The following UST variants were observed in gnomAD, a reference collection of about 807,000 sequenced individuals.
UST encodes chondroitin sulfate 2-O-sulfotransferase.
A neutral mutation model predicts 45.6 loss-of-function variants in UST; 21 were observed. That is an observed-to-expected ratio of 0.46 (90% CI 0.33 to 0.66). The LOEUF (loss-of-function observed/expected upper bound fraction) is 0.66, where lower values mean the gene tolerates loss of function less well. Among genes scored for constraint, UST ranks in the 30% least tolerant of loss-of-function variants. UST has a pLI of 0.02. For missense variants in UST, 463 were observed against 512.4 expected, an observed-to-expected ratio of 0.90 and a Z score of 0.93; for synonymous variants, 215 against 200.6, an observed-to-expected ratio of 1.07 and a Z score of -0.61.
intron 5 of UST, among the ~76,000 whole-genome samples, chr6:148,981,780 G>A (rs993724877): frequency 6.6e-6 from 1 of 152,196 alleles, no homozygotes; most frequent in Non-Finnish European, 1.5e-5. Flanking sequence ...TGTATTTCCT[G>A]TGCAAGCATC....
intron 1 of UST, among the ~76,000 whole-genome samples, chr6:148,824,409 G>T (rs1777528518): frequency 6.6e-6 from 1 of 152,228 alleles, no homozygotes. Context: ...CCAATGTACA[G>T]TACTTGGTCA....
chr6:149,046,954 A>C (rs1207055846), intron 7 of UST, among the ~76,000 whole-genome samples: 2 of 152,136 alleles, frequency 1.3e-5, no homozygotes, highest in African/African-American at 4.8e-5. Context: ...TACTGATCTG[A>C]GTGGACTTGA....
chr6:149,024,015 G>C (rs180712690), intron 7 of UST, among the ~76,000 whole-genome samples: 1 of 152,310 alleles, frequency 6.6e-6, no homozygotes, highest in Admixed American at 6.5e-5. Context: ...GTTTGGCATA[G>C]TAAATATCTC....
At chr6:148,910,629 T>C (rs551200286) in intron 2 of UST, among the ~76,000 whole-genome samples, 2 of 152,314 alleles carry the variant, frequency 1.3e-5, no homozygotes, top group African/African-American at 4.8e-5. Context: ...TCCTGCTGTC[T>C]CATCAATCAG....
At chr6:148,997,823 A>T (rs1781481024) in intron 5 of UST, among the ~76,000 whole-genome samples, 1 of 152,238 alleles carries the variant, frequency 6.6e-6, no homozygotes, top group Non-Finnish European at 1.5e-5. Context: ...TTCCCTGTTA[A>T]TTTAAAATAA....
At chr6:149,071,026 A>T in intron 7 of UST, among the ~76,000 whole-genome samples, 1 of 152,190 alleles carries the variant, frequency 6.6e-6, no homozygotes, top group Admixed American at 6.5e-5. Context: ...TCGTCCTCCC[A>T]AAGTGCTGGG....
Position 148,953,854 on chromosome 6 carries a change from T to G in UST, c.448-18T>G. ...TAAATTAGATCCTATATATGCTAAT[T>G]TTTACTTTTTTTAATAGATGGAACT... On this transcript the variant is annotated intron_variant, in intron 3 of 7. Transcript: ENST00000367463. The G allele has an allele frequency of 6.5e-7, 1 of 1,531,026 alleles. No individual in the cohort carries two copies. Among genetic ancestry groups the G allele is most frequent in the East Asian group, 2.3e-5 (1 of 42,642 alleles). The allele number at this position is 1,531,026 out of a possible 1,614,324, so 94.8% of individuals were successfully genotyped here. A position where few individuals can be genotyped will look rare whatever the true frequency, so the allele number is the denominator to read the frequency against.
rs57552256 is a variant in UST, at chr6:148,993,956, C to CTTTTTTTT, written c.682-25162_682-25155dup. 5.8e-4 allele frequency among the ~76,000 whole-genome samples: 55 copies of CTTTTTTTT among 95,362 alleles called. 4 individuals carry two copies. Among genetic ancestry groups the CTTTTTTTT allele is most frequent in the African/African-American group, 2.2e-3 (49 of 21,860 alleles). 62.6% of individuals were successfully genotyped at this position (95,362 alleles called of 152,430 possible). A position where few individuals can be genotyped will look rare whatever the true frequency, so the allele number is the denominator to read the frequency against. Reference sequence around the variant, plus strand: ...TTACCCAGTCTTGAATATTTCTTTCCTTTTTTTTTTTTTTTTTTTTTTTTT... The same window carrying CTTTTTTTT: ...TTACCCAGTCTTGAATATTTCTTTCCTTTTTTTTTTTTTTTTTTTTTTTTTTTTTTTTT... On this transcript the variant is annotated intron_variant, in intron 5 of 7. Transcript: ENST00000367463.
At chr6:148,911,615 G>C (rs914080291) in intron 2 of UST, among the ~76,000 whole-genome samples, 2 of 151,686 alleles carry the variant, frequency 1.3e-5, no homozygotes, top group Non-Finnish European at 2.9e-5. Flanking sequence ...TTTGGCGTTG[G>C]AAAATTTTGG....
At chr6:148,896,297 T>C (rs982476035) in intron 2 of UST, among the ~76,000 whole-genome samples, 1 of 152,258 alleles carries the variant, frequency 6.6e-6, no homozygotes, top group East Asian at 1.9e-4. Context: ...TTTTTCAGGA[T>C]ATAGACATGC....
chr6:149,010,905 A>AC (rs1775797219), intron 5 of UST, among the ~76,000 whole-genome samples: 2 of 147,934 alleles, frequency 1.4e-5, no homozygotes, highest in Non-Finnish European at 3.0e-5. Flanking sequence ...CAAAAAAAAA[A>AC]AAAAAAAAAA....
chr6:148,873,865 G>C (rs367762499), intron 1 of UST, among the ~76,000 whole-genome samples: 1 of 152,228 alleles, frequency 6.6e-6, no homozygotes, highest in East Asian at 1.9e-4. Context: ...GCCTTGTCTT[G>C]TTTTCTTTCT....
chr6:148,892,374 A>G (rs1053061477), intron 2 of UST, among the ~76,000 whole-genome samples: 5 of 152,230 alleles, frequency 3.3e-5, no homozygotes, highest in African/African-American at 1.2e-4. Flanking sequence ...ATGAAATTAA[A>G]ACAAACTACA....
At chr6:148,821,207 G>C (rs9968961) in intron 1 of UST, among the ~76,000 whole-genome samples, 1 of 151,272 alleles carries the variant, frequency 6.6e-6, no homozygotes, top group Non-Finnish European at 1.5e-5. Flanking sequence ...CTGACCTCAG[G>C]TGATCCACCT....
At chr6:148,770,741 T>G (rs1776410198) in intron 1 of UST, among the ~76,000 whole-genome samples, 1 of 152,152 alleles carries the variant, frequency 6.6e-6, no homozygotes. Context: ...GGTGTTAAGC[T>G]TCCTCTGCAG....
intron 2 of UST, among the ~76,000 whole-genome samples, chr6:148,913,729 G>A (rs570558092): frequency 6.6e-6 from 1 of 152,130 alleles, no homozygotes; most frequent in African/African-American, 2.4e-5. Flanking sequence ...TGCCATATTA[G>A]ACGAAAGTCA....
intron 1 of UST, among the ~76,000 whole-genome samples, chr6:148,862,975 T>C (rs1162254353): frequency 3.3e-5 from 5 of 152,222 alleles, no homozygotes; most frequent in African/African-American, 1.2e-4. Context: ...ATTAGGTGTC[T>C]TGGAGTTGCT....
chr6:149,064,081 C>G (rs1463403772), intron 7 of UST, among the ~76,000 whole-genome samples: 1 of 152,144 alleles, frequency 6.6e-6, no homozygotes, highest in Non-Finnish European at 1.5e-5. Flanking sequence ...AAGATAAGCC[C>G]AATAAGCCTG....
At chr6:148,916,353 C>T (rs563914759) in intron 2 of UST, among the ~76,000 whole-genome samples, 213 of 152,298 alleles carry the variant, frequency 1.4e-3, no homozygotes, top group African/African-American at 4.3e-3. Context: ...TCCACCGTAA[C>T]ACATATCCTC....
Sources: gnomAD v4.1 joint callset for allele counts (sites outside exome capture counted in the v4.1 genomes callset) on GRCh38, gnomAD v4.1.1 for gene constraint, MANE v1.5 for transcripts, NCBI Gene and HGNC (gene_info 2026-07-23, HGNC 2026-07-21) for gene names.